GPC5: variants seen among roughly 807,000 people sequenced by gnomAD.
GPC5 encodes glypican 5, also known as glypican-5.
GPC5 carries 47 observed loss-of-function variants against 53.9 expected under a neutral mutation model. The observed-to-expected ratio is 0.87, with a 90% CI of 0.69 to 1.11. The LOEUF (loss-of-function observed/expected upper bound fraction) is 1.11, where lower values mean the gene tolerates loss of function less well. Among genes scored for constraint, GPC5 ranks in the 50% most tolerant of loss-of-function variants. GPC5 has a pLI of 0.00. For synonymous variants in GPC5, 286 were observed against 263.3 expected, an observed-to-expected ratio of 1.09 and a Z score of -0.84; for missense variants, 748 against 713.1, an observed-to-expected ratio of 1.05 and a Z score of -0.56.
At chr13:92,289,723 A>C (rs888439756) in intron 7 of GPC5, among the ~76,000 whole-genome samples, 1 of 152,044 alleles carries the variant, frequency 6.6e-6, no homozygotes, top group Non-Finnish European at 1.5e-5. Flanking sequence ...CATCCACTTA[A>C]TAATGAAGTA....
rs75745301 is a variant in GPC5, at chr13:92,807,590, G to A, written c.1562-58692G>A. Among the ~76,000 whole-genome samples the A allele has an allele frequency of 1.6e-4, 24 of 152,164 alleles. No homozygotes were observed. The East Asian group carries it at 4.1e-3, about 26-fold the overall frequency. On this transcript the variant is annotated intron_variant, in intron 7 of 7. Transcript: ENST00000377067. ...GTGTTGGCTGCAGTAAAGCAACCGC[G>A]TTTGTTTCTTCTGGCAAAAAGAAGT... is the stretch of plus-strand genomic sequence containing the variant.
At chr13:92,443,772 T>A (rs1157001754) in intron 7 of GPC5, among the ~76,000 whole-genome samples, 2 of 152,292 alleles carry the variant, frequency 1.3e-5, no homozygotes, top group African/African-American at 4.8e-5. Context: ...AGCCTCACAT[T>A]TCTGAAAGCA....
At chr13:92,079,568 T>G (rs763461705) in intron 6 of GPC5, among the ~76,000 whole-genome samples, 1 of 152,214 alleles carries the variant, frequency 6.6e-6, no homozygotes, top group East Asian at 1.9e-4. Flanking sequence ...ACTCAGTGTC[T>G]GCCATGCCAG....
At chr13:92,331,316 CTAAA>C (rs1178815595) in intron 7 of GPC5, among the ~76,000 whole-genome samples, 6 of 152,154 alleles carry the variant, frequency 3.9e-5, no homozygotes, top group African/African-American at 1.4e-4. Context: ...TCTATCTTCT[CTAAA>C]TGAATAACGT....
intron 7 of GPC5, among the ~76,000 whole-genome samples, chr13:92,641,092 C>A (rs1429538476): frequency 2.0e-5 from 3 of 152,098 alleles, no homozygotes; most frequent in Non-Finnish European, 4.4e-5. Context: ...GGGTGAGAAG[C>A]AGGCTGCTTG....
chr13:91,591,017 T>C (rs2032776591), intron 2 of GPC5, among the ~76,000 whole-genome samples: 1 of 152,168 alleles, frequency 6.6e-6, no homozygotes, highest in Admixed American at 6.5e-5. Flanking sequence ...TAATATTACC[T>C]CACAAGGTTG....
intron 6 of GPC5, among the ~76,000 whole-genome samples, chr13:91,913,878 G>A (rs568395299): frequency 6.6e-6 from 1 of 152,268 alleles, no homozygotes; most frequent in South Asian, 2.1e-4. Context: ...TTTTCCTAAA[G>A]GGAGAACACT....
In GPC5 at chr13:91,571,937, A is replaced by ATACG. The variant is rs1566516260; in HGVS notation, c.326-121249_326-121248insACGT. ...ATACACATATTGTATATATACACAC[A>ATACG]TGTATATACATATACACACATATAT... On this transcript the variant is annotated intron_variant, in intron 2 of 7. Transcript: ENST00000377067. Among the ~76,000 whole-genome samples the ATACG allele has an allele frequency of 1.2e-3, 157 of 133,944 alleles. 9 individuals carry two copies. The highest frequency in any genetic ancestry group is 6.1e-3 in the South Asian group (23 of 3,758). 87.9% of individuals were successfully genotyped at this position (133,944 alleles called of 152,430 possible).
chr13:91,950,911 T>C (rs1181195548), intron 6 of GPC5, among the ~76,000 whole-genome samples: 1 of 152,158 alleles, frequency 6.6e-6, no homozygotes, highest in Non-Finnish European at 1.5e-5. Context: ...ACCCAGGGAC[T>C]ATGGCTACAG....
intron 7 of GPC5, among the ~76,000 whole-genome samples, chr13:92,246,605 A>G (rs1336492177): frequency 6.6e-6 from 1 of 152,134 alleles, no homozygotes; most frequent in Non-Finnish European, 1.5e-5. Context: ...ATTTCTGAAA[A>G]ACAACTAATA....
chr13:92,081,349 G>A (rs762248732), intron 6 of GPC5, among the ~76,000 whole-genome samples: 4 of 152,134 alleles, frequency 2.6e-5, no homozygotes, highest in Admixed American at 6.5e-5. Context: ...TGATCCGCCT[G>A]CCTTGGACTC....
At chr13:92,337,198 C>T (rs935646050) in intron 7 of GPC5, among the ~76,000 whole-genome samples, 1 of 109,102 alleles carries the variant, frequency 9.2e-6, no homozygotes, top group Non-Finnish European at 1.7e-5. Flanking sequence ...CAGCACCCCC[C>T]ACCCAAAAAA....
At chr13:92,464,178 T>C (rs1878600960) in intron 7 of GPC5, among the ~76,000 whole-genome samples, 1 of 152,152 alleles carries the variant, frequency 6.6e-6, no homozygotes, top group African/African-American at 2.4e-5. Context: ...ACATTTCTAT[T>C]ACCCCTCATG....
chr13:91,998,309 A>T (rs752787480), intron 6 of GPC5, among the ~76,000 whole-genome samples: 1 of 152,094 alleles, frequency 6.6e-6, no homozygotes, highest in Non-Finnish European at 1.5e-5. Context: ...AACTCCTTCC[A>T]CTTTGCTCTT....
chr13:92,841,251 A>G (rs1878419328), intron 7 of GPC5, among the ~76,000 whole-genome samples: 1 of 152,164 alleles, frequency 6.6e-6, no homozygotes, highest in Admixed American at 6.6e-5. Context: ...TTATTAAACA[A>G]GACCCCAGAT....
At chr13:91,864,970 T>C (rs2039068343) in intron 5 of GPC5, among the ~76,000 whole-genome samples, 1 of 151,638 alleles carries the variant, frequency 6.6e-6, no homozygotes, top group African/African-American at 2.4e-5. Flanking sequence ...AGTGGTGAGA[T>C]CTTGGCTCAC....
intron 7 of GPC5, among the ~76,000 whole-genome samples, chr13:92,778,695 C>A (rs1051873782): frequency 6.6e-6 from 1 of 152,160 alleles, no homozygotes; most frequent in Non-Finnish European, 1.5e-5. Flanking sequence ...AGTTCTGCGA[C>A]TGATCTTCCT....
intron 2 of GPC5, among the ~76,000 whole-genome samples, chr13:91,688,093 C>T (rs747583022): frequency 3.3e-5 from 5 of 152,022 alleles, no homozygotes; most frequent in East Asian, 1.9e-4. Context: ...AAAATGGAAA[C>T]ACTCAACTCC....
chr13:91,728,108 C>A (rs1204701531), intron 3 of GPC5, among the ~76,000 whole-genome samples: 2 of 152,130 alleles, frequency 1.3e-5, no homozygotes, highest in African/African-American at 2.4e-5. Context: ...AAGATATTTG[C>A]TTTTGGCCTT....
Sources: gnomAD v4.1 joint callset for allele counts (sites outside exome capture counted in the v4.1 genomes callset) on GRCh38, gnomAD v4.1.1 for gene constraint, MANE v1.5 for transcripts, NCBI Gene and HGNC (gene_info 2026-07-23, HGNC 2026-07-21) for gene names.